The following NRXN3 variants were observed in gnomAD, a reference collection of about 807,000 sequenced individuals.
NRXN3 encodes the protein neurexin 3.
Under a neutral mutation model 137.6 loss-of-function variants are expected in NRXN3, and 32 were observed. The ratio of observed to expected loss-of-function variants is 0.23; its 90% CI spans 0.18 to 0.31. The LOEUF is 0.31. Ranked by LOEUF, NRXN3 falls within the 10% of genes least tolerant of loss-of-function variation. The pLI is 1.00. For missense variants in NRXN3, 1,574 were observed against 2,062.5 expected, an observed-to-expected ratio of 0.76 and a Z score of 4.59; for synonymous variants, 798 against 784.5, an observed-to-expected ratio of 1.02 and a Z score of -0.29.
At chr14:79,245,490 A>C (rs1295903338) in intron 15 of NRXN3, among the ~76,000 whole-genome samples, 1 of 152,078 alleles carries the variant, frequency 6.6e-6, no homozygotes, top group Non-Finnish European at 1.5e-5. Flanking sequence ...AGAAGAAAGA[A>C]TGAATGAGTT....
At chr14:79,201,454 C>G (rs2065995848) in intron 15 of NRXN3, 1 of 152,118 alleles carries the variant, frequency 6.6e-6, no homozygotes, top group Non-Finnish European at 1.5e-5. Context: ...GGCTGTTGGG[C>G]TGTTTCTTAA....
chr14:79,188,883 A>G (rs2063867420), intron 15 of NRXN3, among the ~76,000 whole-genome samples: 1 of 152,158 alleles, frequency 6.6e-6, no homozygotes, highest in Admixed American at 6.5e-5. Flanking sequence ...AAAGTCAGGA[A>G]ACAACAGGTG....
chr14:78,266,192 G>T (rs746623300), intron 2 of NRXN3, among the ~76,000 whole-genome samples: 13 of 152,134 alleles, frequency 8.5e-5, no homozygotes, highest in Non-Finnish European at 1.6e-4. Flanking sequence ...GATAAAAATA[G>T]TGATTAATAA....
intron 4 of NRXN3, among the ~76,000 whole-genome samples, chr14:78,304,843 C>T (rs571553991): frequency 5.3e-5 from 8 of 152,252 alleles, no homozygotes; most frequent in Non-Finnish European, 1.2e-4. Flanking sequence ...TCCAGCTGAT[C>T]GCTGCCATGC....
chr14:79,680,258 G>A (rs958936524), intron 17 of NRXN3, among the ~76,000 whole-genome samples: 8 of 152,028 alleles, frequency 5.3e-5, no homozygotes, highest in South Asian at 2.1e-4. Flanking sequence ...GCCTATAGTC[G>A]CAGCTATTTG....
At chr14:79,406,711 A>T (rs573213755) in intron 15 of NRXN3, among the ~76,000 whole-genome samples, 1 of 152,126 alleles carries the variant, frequency 6.6e-6, no homozygotes, top group Non-Finnish European at 1.5e-5. Context: ...TAAAGTTGCA[A>T]TTAAGGAGAA....
chr14:79,111,007 G>A (rs963519802), intron 15 of NRXN3, among the ~76,000 whole-genome samples: 3 of 152,024 alleles, frequency 2.0e-5, no homozygotes, highest in Admixed American at 6.5e-5. Flanking sequence ...AGCCAGGATG[G>A]TCTTGATCTC....
At chr14:78,874,846 G>A (rs150783) in intron 10 of NRXN3, among the ~76,000 whole-genome samples, 5,571 of 152,248 alleles carry the variant, frequency 0.037, 341 homozygotes, top group African/African-American at 0.13. Context: ...GCACCATGCA[G>A]GCGAATAATG....
chr14:78,902,859 A>G (rs8020930), intron 10 of NRXN3, among the ~76,000 whole-genome samples: 3,478 of 151,472 alleles, frequency 0.023, 54 homozygotes, highest in South Asian at 0.087. Flanking sequence ...ATATATATGT[A>G]TAATATGTAA....
chr14:78,543,331 A>G (rs2096609204), intron 4 of NRXN3, among the ~76,000 whole-genome samples: 1 of 152,218 alleles, frequency 6.6e-6, no homozygotes, highest in African/African-American at 2.4e-5. Context: ...ACACTTTTCT[A>G]GAGAGGAAGT....
At chr14:79,685,000 C>G (rs1343604812) in intron 17 of NRXN3, among the ~76,000 whole-genome samples, 1 of 151,984 alleles carries the variant, frequency 6.6e-6, no homozygotes, top group Non-Finnish European at 1.5e-5. Flanking sequence ...GGAAAGGCAC[C>G]TGGGGAAATC....
At chr14:79,500,638 A>G in intron 16 of NRXN3, among the ~76,000 whole-genome samples, 1 of 152,196 alleles carries the variant, frequency 6.6e-6, no homozygotes, top group South Asian at 2.1e-4. Context: ...AGTATGCTGC[A>G]TGTATCTGCT....
intron 4 of NRXN3, among the ~76,000 whole-genome samples, chr14:78,435,307 A>G (rs898444297): frequency 6.6e-6 from 1 of 152,206 alleles, no homozygotes; most frequent in South Asian, 2.1e-4. Flanking sequence ...GGTCTGCTGT[A>G]TGACAGGCCC....
rs1375708914 is a variant in NRXN3 at position 78,432,123 on chromosome 14, T to C, written c.757+134263T>C. 2.0e-5 allele frequency among the ~76,000 whole-genome samples: 3 copies of C among 152,140 alleles called. No homozygotes were observed. In the East Asian group the frequency reaches 5.8e-4, roughly 29 times the overall value. On this transcript the variant is annotated intron_variant, in intron 4 of 20. Transcript: ENST00000335750. The stretch of plus-strand genomic sequence containing the variant: ...TCTGAAGCTTGAAGATGGAATAATT[T>C]GAAATAAAATGAATTTGTTTCTGAA...
chr14:78,274,864 C>A (rs1242843355), intron 2 of NRXN3, among the ~76,000 whole-genome samples: 1 of 152,176 alleles, frequency 6.6e-6, no homozygotes, highest in Non-Finnish European at 1.5e-5. Flanking sequence ...TAGTTTTCAT[C>A]AGGATTACTT....
intron 16 of NRXN3, among the ~76,000 whole-genome samples, chr14:79,642,321 AAATCC>A (rs1231534153): frequency 1.5e-5 from 2 of 135,390 alleles, no homozygotes; most frequent in Non-Finnish European, 3.4e-5. Context: ...TCTTCTTCTG[AAATCC>A]CATTTTGACC....
intron 10 of NRXN3, among the ~76,000 whole-genome samples, chr14:78,936,496 A>G (rs1376161414): frequency 6.6e-6 from 1 of 152,210 alleles, no homozygotes; most frequent in African/African-American, 2.4e-5. Context: ...ATCTCTAGTG[A>G]CAGAAAACAG....
intron 16 of NRXN3, among the ~76,000 whole-genome samples, chr14:79,550,201 C>A (rs1348924396): frequency 2.0e-5 from 3 of 152,022 alleles, no homozygotes; most frequent in Non-Finnish European, 4.4e-5. Flanking sequence ...GATCTCTTGA[C>A]CTCATGATCC....
chr14:78,268,290 G>GTTTTTT (rs58273807), intron 2 of NRXN3, among the ~76,000 whole-genome samples: 1 of 152,026 alleles, frequency 6.6e-6, no homozygotes, highest in African/African-American at 2.4e-5. Flanking sequence ...GTTTTGTTTT[G>GTTTTTT]TTTTCAAAGA....
Sources: gnomAD v4.1 joint callset for allele counts (sites outside exome capture counted in the v4.1 genomes callset) on GRCh38, gnomAD v4.1.1 for gene constraint, MANE v1.5 for transcripts, NCBI Gene and HGNC (gene_info 2026-07-23, HGNC 2026-07-21) for gene names.